Variants in SHROOM4 observed in about 807,000 individuals in gnomAD.
SHROOM4 encodes the protein protein Shroom4.
SHROOM4 carries 17 observed loss-of-function variants against 80.3 expected under a neutral mutation model. The ratio of observed to expected loss-of-function variants is 0.21; its 90% CI spans 0.14 to 0.32. The LOEUF (loss-of-function observed/expected upper bound fraction) is 0.32. Among genes scored for constraint, SHROOM4 ranks in the 10% least tolerant of loss-of-function variants. The pLI, the probability that SHROOM4 is intolerant of heterozygous loss-of-function variation, is 1.00. For synonymous variants in SHROOM4, 400 were observed against 437.5 expected, an observed-to-expected ratio of 0.91 and a Z score of 1.07; for missense variants, 993 against 1,140.3, an observed-to-expected ratio of 0.87 and a Z score of 1.86.
chrX:50,584,863 CAGATAT>C (rs1316087070), downstream of SHROOM4, among the ~76,000 whole-genome samples: 1 of 110,720 alleles, frequency 9.0e-6, no homozygotes, highest in Non-Finnish European at 1.9e-5. Context: ...TTGAGCCAAC[CAGATAT>C]AAAGTTTTGG....
At chrX:50,618,006 C>G (rs1421883915) in intron 5 of SHROOM4, among the ~76,000 whole-genome samples, 1 of 111,620 alleles carries the variant, frequency 9.0e-6, no homozygotes, top group Non-Finnish European at 1.9e-5. Context: ...GGGAGCAAAA[C>G]CAATGTTGCT....
downstream of SHROOM4, among the ~76,000 whole-genome samples, chrX:50,582,796 C>G (rs896216606): frequency 9.9e-5 from 11 of 111,255 alleles, no homozygotes; most frequent in African/African-American, 3.6e-4. Context: ...ATACTTGAAC[C>G]TCTATTATTT....
At chrX:50,609,969 T>A (rs912557604) in intron 5 of SHROOM4, among the ~76,000 whole-genome samples, 1 of 111,114 alleles carries the variant, frequency 9.0e-6, no homozygotes, top group African/African-American at 3.3e-5. Flanking sequence ...AACCACAAGA[T>A]CTGGTTTCCT....
chrX:50,708,148 C>T lies in SHROOM4; in HGVS notation c.118-12211G>A, dbSNP rs143327765. The stretch of plus-strand genomic sequence containing the variant: ...ACTTTAGCATAGTTGAGACAGTGGA[C>T]AAAGGCCAAGTGAACAAAGGCCAGA... On this transcript the variant is annotated intron_variant, in intron 1 of 8. Transcript: ENST00000376020. 2.7e-3 allele frequency among the ~76,000 whole-genome samples: 302 copies of T among 112,276 alleles called. 1 individual carries two copies. Among genetic ancestry groups the T allele is most frequent in the African/African-American group, 9.4e-3 (290 of 30,898 alleles).
intron 2 of SHROOM4, among the ~76,000 whole-genome samples, chrX:50,672,210 T>A (rs904130210): frequency 4.5e-5 from 5 of 112,116 alleles, no homozygotes; most frequent in Admixed American, 1.9e-4. Context: ...CAGACCATCA[T>A]AACAAATATG....
chrX:50,727,843 C>G (rs1418195088), intron 1 of SHROOM4, among the ~76,000 whole-genome samples: 1 of 112,218 alleles, frequency 8.9e-6, no homozygotes, highest in Non-Finnish European at 1.9e-5. Flanking sequence ...ACAGGCCGCT[C>G]TTGCTACATT....
chrX:50,666,929 T>C (rs1320593962), intron 2 of SHROOM4, among the ~76,000 whole-genome samples: 2 of 111,580 alleles, frequency 1.8e-5, no homozygotes, highest in African/African-American at 3.3e-5. Flanking sequence ...CTTAACAAAA[T>C]TGAGGGATAT....
chrX:50,688,139 T>C (rs1331965008), intron 2 of SHROOM4, among the ~76,000 whole-genome samples: 1 of 111,695 alleles, frequency 9.0e-6, no homozygotes, highest in Admixed American at 9.5e-5. Context: ...AATCAATAGG[T>C]TCCAATAAAA....
At chrX:50,660,433 T>C (rs1557259837) in intron 2 of SHROOM4, among the ~76,000 whole-genome samples, 1 of 111,366 alleles carries the variant, frequency 9.0e-6, no homozygotes, top group African/African-American at 3.3e-5. Flanking sequence ...GCTCTGATTT[T>C]TCCCATTCTG....
At chrX:50,751,214 A>G (rs1557268020) in intron 1 of SHROOM4, among the ~76,000 whole-genome samples, 2 of 112,146 alleles carry the variant, frequency 1.8e-5, no homozygotes, top group African/African-American at 6.5e-5. Flanking sequence ...CACAATGTAG[A>G]TGAACCCATG....
chrX:50,643,175 A>G (rs1296157255), intron 2 of SHROOM4: 1 of 111,890 alleles, frequency 8.9e-6, no homozygotes, highest in Non-Finnish European at 1.9e-5. Context: ...AGGCACTATC[A>G]ATAAGCACAC....
intron 1 of SHROOM4, among the ~76,000 whole-genome samples, chrX:50,736,244 G>A (rs1934488269): frequency 9.0e-6 from 1 of 110,772 alleles, no homozygotes; most frequent in African/African-American, 3.3e-5. Flanking sequence ...GTGGAAAGCA[G>A]TCTAATTTTT....
Position 50,589,717 on chromosome X carries a change from T to C in SHROOM4, c.*6978A>G, listed in dbSNP as rs930162223. ...GGTCATTTCCACTTTTTGGCTATTA[T>C]GAGTAATGCCACTTTAAACATTCAT... On this transcript the variant is annotated 3_prime_UTR_variant, in exon 9 of 9. Transcript: ENST00000376020. Among the ~76,000 whole-genome samples, 4 of 112,371 alleles carry C rather than the reference T, an allele frequency of 3.6e-5. No individual in the cohort carries two copies. Among genetic ancestry groups the C allele is most frequent in the Admixed American group, 2.8e-4 (3 of 10,636 alleles).
intron 2 of SHROOM4, among the ~76,000 whole-genome samples, chrX:50,665,507 T>C (rs1015134548): frequency 5.4e-5 from 6 of 110,415 alleles, no homozygotes; most frequent in Non-Finnish European, 7.6e-5. Flanking sequence ...AATATTTCAT[T>C]TAAAGCCTCT....
intron 5 of SHROOM4, among the ~76,000 whole-genome samples, chrX:50,615,863 C>T (rs986100499): frequency 8.1e-5 from 9 of 111,575 alleles, no homozygotes; most frequent in Admixed American, 3.8e-4. Context: ...ACCTAAATTG[C>T]GTATTTATTT....
intron 2 of SHROOM4, among the ~76,000 whole-genome samples, chrX:50,692,403 T>G (rs142416298): frequency 0.036 from 4,043 of 112,189 alleles, 189 homozygotes; most frequent in African/African-American, 0.12. Context: ...ACAATGTTTG[T>G]TTATTCCAAT....
At chrX:50,604,033 T>C (rs781918162) in intron 6 of SHROOM4, among the ~76,000 whole-genome samples, 2 of 111,935 alleles carry the variant, frequency 1.8e-5, no homozygotes, top group Admixed American at 1.9e-4. Flanking sequence ...TTGCAGCTAT[T>C]TGCAGTTCTT....
chrX:50,701,047 C>T (rs1933502287), intron 1 of SHROOM4, among the ~76,000 whole-genome samples: 1 of 111,867 alleles, frequency 8.9e-6, no homozygotes, highest in South Asian at 3.8e-4. Context: ...GCCAACGGAA[C>T]TATGCGCTGT....
At position 50,633,525 on chromosome X, in the gene SHROOM4, G is replaced by A. The variant is rs782254413; in HGVS notation, c.2548C>T (p.Leu850Phe). 1.2e-5 allele frequency: 14 copies of A among 1,211,545 alleles called. No individual in the cohort carries two copies. In the South Asian group the frequency reaches 2.1e-4, roughly 18 times the overall value. Residue 850 changes from leucine to phenylalanine, a missense_variant, in exon 4 of 9, where the codon CTT (leucine) becomes TTT (phenylalanine). Leu to Phe is a conservative substitution (Grantham distance 22). Transcript: ENST00000376020. Reference protein sequence around the residue: ...TDQSYHSMSPLQSETPTYSEC... With the variant: ...TDQSYHSMSPFQSETPTYSEC... ...GAGTAAGTGGGAGTTTCTGACTGAAGGGGTGACATGGAATGATATGATTGG... is the reference window on the plus strand; with the variant it reads ...GAGTAAGTGGGAGTTTCTGACTGAAAGGGTGACATGGAATGATATGATTGG...
Sources: allele counts gnomAD v4.1 joint callset (sites outside exome capture counted in the v4.1 genomes callset), GRCh38; gene constraint gnomAD v4.1.1; transcripts MANE v1.5; gene names NCBI Gene and HGNC (gene_info 2026-07-23, HGNC 2026-07-21).